Variants in MYO1B observed in about 807,000 individuals in gnomAD.
MYO1B encodes the protein unconventional myosin-Ib.
In MYO1B, 72 loss-of-function variants were observed where a neutral mutation model predicts 159.7. The observed-to-expected ratio is 0.45, with a 90% CI of 0.37 to 0.55. The LOEUF is 0.55. MYO1B is among the 20% of genes least tolerant of loss of function. The pLI is 0.00. For synonymous variants in MYO1B, 468 were observed against 473.8 expected, an observed-to-expected ratio of 0.99 and a Z score of 0.16; for missense variants, 1,062 against 1,364.8, an observed-to-expected ratio of 0.78 and a Z score of 3.50.
intron 7 of MYO1B, among the ~76,000 whole-genome samples, chr2:191,354,325 A>T (rs1390830567): frequency 6.6e-6 from 1 of 150,954 alleles, no homozygotes; most frequent in African/African-American, 2.4e-5. Context: ...ATATTTGTTG[A>T]ATGAATGAAT....
At chr2:191,303,339 A>G (rs553638587) in intron 3 of MYO1B, among the ~76,000 whole-genome samples, 95 of 152,138 alleles carry the variant, frequency 6.2e-4, no homozygotes, top group African/African-American at 2.2e-3. Context: ...GTGTGTGTTG[A>G]TGTGATGTTG....
intron 3 of MYO1B, among the ~76,000 whole-genome samples, chr2:191,304,598 C>G (rs1164128498): frequency 6.6e-6 from 1 of 151,024 alleles, no homozygotes; most frequent in Non-Finnish European, 1.5e-5. Context: ...ACAACAACAA[C>G]CCAGTTTCTT....
Position 191,409,097 on chromosome 2 carries a change from A to G in MYO1B, c.2685A>G (p.Ile895Met). 18 of 1,613,454 alleles carry G rather than the reference A, an allele frequency of 1.1e-5. No homozygotes were observed. Among genetic ancestry groups the G allele is most frequent in the South Asian group, 2.2e-5 (2 of 90,752 alleles). Reference protein sequence around the residue: ...MKNKMPSLSPIDKNWPSRPYL... With the variant: ...MKNKMPSLSPMDKNWPSRPYL... ...ATAAGATGCCTTCCTTATCTCCAAT[A>G]GACAAGAATTGGCCCTCAAGACCTT... Residue 895 changes from isoleucine to methionine, a missense_variant, in exon 26 of 31, where the codon ATA (isoleucine) becomes ATG (methionine). Ile to Met is a conservative substitution (Grantham distance 10, BLOSUM62 1). Coordinates refer to ENST00000392318, the MANE Select transcript of MYO1B (RefSeq NM_001130158.3).
chr2:191,392,073 C>G, intron 18 of MYO1B, 35 bp from the exon 19 acceptor site: 2 of 1,512,844 alleles, frequency 1.3e-6, no homozygotes, highest in East Asian at 2.3e-5. Flanking sequence ...TTTTGTAACT[C>G]AGAAAACTCA....
chr2:191,268,675 C>A (rs1687284010), intron 1 of MYO1B, among the ~76,000 whole-genome samples: 1 of 152,222 alleles, frequency 6.6e-6, no homozygotes, highest in African/African-American at 2.4e-5. Flanking sequence ...ATGCTTCATT[C>A]TTCTCTTCAG....
intron 3 of MYO1B, among the ~76,000 whole-genome samples, chr2:191,319,789 C>A (rs865906466): frequency 6.6e-6 from 1 of 152,064 alleles, no homozygotes; most frequent in East Asian, 1.9e-4. Context: ...AGAACTGATA[C>A]AATTTTGCTT....
At chr2:191,357,950 A>G (rs1693408562) in intron 7 of MYO1B, among the ~76,000 whole-genome samples, 1 of 152,210 alleles carries the variant, frequency 6.6e-6, no homozygotes, top group Non-Finnish European at 1.5e-5. Context: ...AGAAATTGAA[A>G]TGGGAGGCTC....
At chr2:191,264,469 T>A (rs1325981164) in intron 1 of MYO1B, among the ~76,000 whole-genome samples, 1 of 145,632 alleles carries the variant, frequency 6.9e-6, no homozygotes, top group Non-Finnish European at 1.5e-5. Context: ...ATTACTTAAT[T>A]TGTAATCTTT....
chr2:191,362,517 T>C (rs1693736219), intron 9 of MYO1B, 146 bp downstream of exon 9: 1 of 530,720 alleles, frequency 1.9e-6, no homozygotes, highest in Non-Finnish European at 3.2e-6. Context: ...TTTTGTTACT[T>C]TGATTTTTTT....
In MYO1B at chr2:191,400,779, G is replaced by A; in HGVS notation, c.2413G>A (p.Glu805Lys). 1 of 1,614,036 alleles carries A rather than the reference G, an allele frequency of 6.2e-7. No homozygotes were observed. The highest frequency in any genetic ancestry group is 8.5e-7 in the Non-Finnish European group (1 of 1,179,900). ...ARRELRRLKEEARNKHAIAVI... is the reference protein window; with the variant it reads ...ARRELRRLKEKARNKHAIAVI... ...AAGGGAACTGAGACGGCTGAAGGAG[G>A]AGGCTAGGAATAAACATGCTATTGC... The change falls in exon 23 of 31, where the codon GAG becomes AAG. Residue 805 changes from glutamate to lysine, a missense_variant. Glu to Lys is a moderately conservative substitution (Grantham distance 56). This residue lies in a region of MYO1B where 609 missense variants were observed against 744.4 expected (regional missense o/e 0.82). Coordinates refer to ENST00000392318, the MANE Select transcript of MYO1B (RefSeq NM_001130158.3).
At chr2:191,361,292 T>TA (rs1224396892) in intron 8 of MYO1B, among the ~76,000 whole-genome samples, 1 of 152,180 alleles carries the variant, frequency 6.6e-6, no homozygotes, top group Non-Finnish European at 1.5e-5. Context: ...GGGTTCTAAT[T>TA]AAATGAGTAC....
intron 3 of MYO1B, among the ~76,000 whole-genome samples, chr2:191,301,154 G>A (rs1352123071): frequency 6.6e-6 from 1 of 152,174 alleles, no homozygotes; most frequent in East Asian, 1.9e-4. Context: ...TGTGCTGTGT[G>A]GCAGAGCCTA....
chr2:191,388,952 A>T (rs1053397707), intron 17 of MYO1B, among the ~76,000 whole-genome samples: 2 of 152,152 alleles, frequency 1.3e-5, no homozygotes, highest in Non-Finnish European at 2.9e-5. Flanking sequence ...ATATTATCGT[A>T]TATTTTCTTC....
chr2:191,340,387 T>C (rs1363973483), intron 4 of MYO1B, among the ~76,000 whole-genome samples: 3 of 152,342 alleles, frequency 2.0e-5, no homozygotes, highest in East Asian at 1.9e-4. Flanking sequence ...TAAATATCTA[T>C]TAACATTTCT....
intron 1 of MYO1B, among the ~76,000 whole-genome samples, chr2:191,268,599 C>T (rs1340524207): frequency 6.6e-6 from 1 of 152,212 alleles, no homozygotes; most frequent in African/African-American, 2.4e-5. Context: ...CTCTCGAGGG[C>T]CTACAGCTAG....
chr2:191,369,642 A>G lies in MYO1B; in HGVS notation c.1119+14A>G, dbSNP rs750327485. ...GAAAGCATTAAGGTACTGAATTTCTATGAGCAAAATCAGTTGTAATAAATG... is the reference window on the plus strand; with the variant it reads ...GAAAGCATTAAGGTACTGAATTTCTGTGAGCAAAATCAGTTGTAATAAATG... On this transcript the variant is annotated intron_variant, in intron 12 of 30. Transcript: ENST00000392318. 12 of 1,588,324 alleles carry G rather than the reference A, an allele frequency of 7.6e-6. No individual in the cohort carries two copies. The highest frequency in any genetic ancestry group is 3.3e-5 in the Admixed American group (2 of 59,842).
chr2:191,382,473 C>T (rs1574561991), intron 14 of MYO1B, among the ~76,000 whole-genome samples: 2 of 152,186 alleles, frequency 1.3e-5, no homozygotes, highest in African/African-American at 4.8e-5. Context: ...CTTTTAGTAA[C>T]ATAAATATTC....
chr2:191,248,226 A>G (rs1191117211), intron 1 of MYO1B, among the ~76,000 whole-genome samples: 2 of 152,214 alleles, frequency 1.3e-5, no homozygotes, highest in African/African-American at 4.8e-5. Context: ...TACTATATTC[A>G]TCATCACAAC....
intron 13 of MYO1B, among the ~76,000 whole-genome samples, chr2:191,374,130 A>G (rs1694551920): frequency 6.6e-6 from 1 of 152,172 alleles, no homozygotes; most frequent in African/African-American, 2.4e-5. Context: ...ATTCTCAGCA[A>G]TGTTAGAACA....
Sources: allele counts gnomAD v4.1 joint callset (sites outside exome capture counted in the v4.1 genomes callset), GRCh38; gene constraint gnomAD v4.1.1; regional missense constraint gnomAD v4.1.1; transcripts MANE v1.5; gene names NCBI Gene and HGNC (gene_info 2026-07-23, HGNC 2026-07-21).